Variants in KCNH1 observed in about 807,000 individuals in gnomAD.
KCNH1 encodes the protein potassium voltage-gated channel subfamily H member 1, also known as voltage-gated delayed rectifier potassium channel KCNH1.
KCNH1 carries 27 observed loss-of-function variants against 69.2 expected under a neutral mutation model. The observed-to-expected ratio is 0.39, with a 90% CI of 0.29 to 0.54. KCNH1 has a LOEUF of 0.54. KCNH1 is among the 20% of genes least tolerant of loss of function. The probability of loss-of-function intolerance (pLI) is 0.68; values close to 1 mark genes in which losing one functional copy is unlikely to be tolerated. For synonymous variants in KCNH1, 456 were observed against 487.7 expected (o/e 0.93, Z 0.86); for missense variants, 798 against 1,261.6 (o/e 0.63, Z 5.57).
intron 6 of KCNH1, among the ~76,000 whole-genome samples, chr1:210,972,377 A>T (rs1574370744): frequency 6.6e-6 from 1 of 152,116 alleles, no homozygotes; most frequent in Non-Finnish European, 1.5e-5. Flanking sequence ...CTCCACTTTC[A>T]TAATTCCAGA....
chr1:211,109,128 CA>C (rs1208223320), intron 1 of KCNH1, among the ~76,000 whole-genome samples: 1 of 152,102 alleles, frequency 6.6e-6, no homozygotes, highest in Non-Finnish European at 1.5e-5. Flanking sequence ...ACAGATAATA[CA>C]AAAACAATAG....
intron 6 of KCNH1, among the ~76,000 whole-genome samples, chr1:210,969,028 A>G (rs895033170): frequency 6.6e-6 from 1 of 152,024 alleles, no homozygotes; most frequent in Non-Finnish European, 1.5e-5. Flanking sequence ...CTTTAATTAT[A>G]CGGATTATTT....
chr1:211,108,962 A>G (rs1001378393), intron 1 of KCNH1, among the ~76,000 whole-genome samples: 1 of 152,180 alleles, frequency 6.6e-6, no homozygotes, highest in Non-Finnish European at 1.5e-5. Flanking sequence ...ACAAATAGAT[A>G]TGTCCACAAC....
intron 10 of KCNH1, among the ~76,000 whole-genome samples, chr1:210,761,531 T>C (rs1683521328): frequency 6.6e-6 from 1 of 152,090 alleles, no homozygotes; most frequent in African/African-American, 2.4e-5. Context: ...ACAGACTCAA[T>C]GTAAAGAGAT....
chr1:210,958,206 A>G (rs1688218750), intron 6 of KCNH1, among the ~76,000 whole-genome samples: 1 of 152,174 alleles, frequency 6.6e-6, no homozygotes, highest in South Asian at 2.1e-4. Flanking sequence ...TTCTGGGTTG[A>G]AAATTCTTTT....
intron 7 of KCNH1, among the ~76,000 whole-genome samples, chr1:210,877,476 G>A (rs184061759): frequency 2.0e-5 from 3 of 152,242 alleles, no homozygotes; most frequent in East Asian, 1.9e-4. Flanking sequence ...GAAGTCACAC[G>A]ATGCTCCATT....
intron 7 of KCNH1, among the ~76,000 whole-genome samples, chr1:210,848,144 ATAGT>A (rs960390362): frequency 2.3e-4 from 35 of 152,360 alleles, no homozygotes; most frequent in African/African-American, 7.9e-4. Flanking sequence ...TACCTTCTAG[ATAGT>A]TAAAGATAGT....
At chr1:210,958,012 T>C (rs1029428597) in intron 6 of KCNH1, among the ~76,000 whole-genome samples, 1 of 152,232 alleles carries the variant, frequency 6.6e-6, no homozygotes, top group African/African-American at 2.4e-5. Flanking sequence ...ATAGCATCAA[T>C]GATCTTTACA....
At chr1:210,707,419 A>G (rs1681941005) in intron 10 of KCNH1, among the ~76,000 whole-genome samples, 1 of 152,146 alleles carries the variant, frequency 6.6e-6, no homozygotes, top group Non-Finnish European at 1.5e-5. Flanking sequence ...AGATAGAGCT[A>G]TTTACATCAA....
intron 7 of KCNH1, among the ~76,000 whole-genome samples, chr1:210,899,505 ATT>A (rs1019858964): frequency 2.1e-5 from 3 of 141,434 alleles, no homozygotes; most frequent in African/African-American, 5.6e-5. Context: ...ATATATATAT[ATT>A]TTTATCATTA....
At chr1:210,871,282 A>C (rs1010613186) in intron 7 of KCNH1, among the ~76,000 whole-genome samples, 4 of 152,186 alleles carry the variant, frequency 2.6e-5, no homozygotes, top group Non-Finnish European at 4.4e-5. Context: ...ATTTATGCAG[A>C]CAAAAAACAC....
intron 10 of KCNH1, among the ~76,000 whole-genome samples, chr1:210,686,939 C>T (rs1010711431): frequency 6.6e-6 from 1 of 152,138 alleles, no homozygotes; most frequent in Non-Finnish European, 1.5e-5. Context: ...TGGTACCTAG[C>T]AGGCCCTCAG....
intron 7 of KCNH1, among the ~76,000 whole-genome samples, chr1:210,822,949 G>C (rs1425347619): frequency 6.6e-6 from 1 of 152,168 alleles, no homozygotes; most frequent in Non-Finnish European, 1.5e-5. Flanking sequence ...ATCGGGGTGG[G>C]AGGGTAGCTT....
At chr1:210,884,034 G>A (rs901890976) in intron 7 of KCNH1, among the ~76,000 whole-genome samples, 1 of 152,108 alleles carries the variant, frequency 6.6e-6, no homozygotes, top group Non-Finnish European at 1.5e-5. Context: ...CCATGTCCCT[G>A]TACTTGGATG....
At chr1:211,115,629 C>T (rs1691559544) in intron 1 of KCNH1, among the ~76,000 whole-genome samples, 1 of 150,254 alleles carries the variant, frequency 6.7e-6, no homozygotes, top group Non-Finnish European at 1.5e-5. Context: ...ACTGGCTCTC[C>T]TTGCTCCTCA....
chr1:210,861,229 G>T, intron 7 of KCNH1: 1 of 983,168 alleles, frequency 1.0e-6, no homozygotes, highest in Non-Finnish European at 1.7e-6. Context: ...TAACATCTTG[G>T]ATAATGCCTT....
At chr1:210,949,959 C>G (rs1412445506) in intron 6 of KCNH1, among the ~76,000 whole-genome samples, 20 of 152,170 alleles carry the variant, frequency 1.3e-4, no homozygotes, top group Admixed American at 1.3e-3. Flanking sequence ...CATGTGAAAC[C>G]TGCTTTAATC....
intron 3 of KCNH1, among the ~76,000 whole-genome samples, chr1:211,100,916 G>A (rs192007126): frequency 1.3e-5 from 2 of 152,332 alleles, no homozygotes; most frequent in Admixed American, 1.3e-4. Flanking sequence ...TCACTGGTGA[G>A]TTCTTATGCA....
intron 7 of KCNH1, among the ~76,000 whole-genome samples, chr1:210,879,531 A>T (rs1225010568): frequency 1.3e-5 from 2 of 152,056 alleles, no homozygotes; most frequent in African/African-American, 4.8e-5. Flanking sequence ...ATAGATGCAG[A>T]AAAAAGCATA....
Sources: gnomAD v4.1 joint callset for allele counts (sites outside exome capture counted in the v4.1 genomes callset) on GRCh38, gnomAD v4.1.1 for gene constraint, MANE v1.5 for transcripts, NCBI Gene and HGNC (gene_info 2026-07-23, HGNC 2026-07-21) for gene names.